THSD4: variants seen among roughly 807,000 people sequenced by gnomAD.
THSD4 encodes thrombospondin type 1 domain containing 4.
A neutral mutation model predicts 119.0 loss-of-function variants in THSD4; 69 were observed. The observed-to-expected ratio is 0.58, with a 90% CI of 0.48 to 0.71. The LOEUF (loss-of-function observed/expected upper bound fraction) is 0.71, where lower values mean the gene tolerates loss of function less well. THSD4 is among the 30% of genes least tolerant of loss of function. The pLI is 0.00. For missense variants in THSD4, 1,393 were observed against 1,391.1 expected (o/e 1.00, Z -0.02); for synonymous variants, 524 against 540.4 (o/e 0.97, Z 0.42).
intron 7 of THSD4, among the ~76,000 whole-genome samples, chr15:71,481,792 T>C (rs764873737): frequency 2.6e-5 from 4 of 152,224 alleles, no homozygotes; most frequent in Non-Finnish European, 4.4e-5. Context: ...TATTAAGTGA[T>C]CAATCCTTCT....
intron 7 of THSD4, among the ~76,000 whole-genome samples, chr15:71,639,904 TTCCTTATTCAAAATAAAACTTACTTTAGC>T (rs2050822557): frequency 6.6e-6 from 1 of 152,096 alleles, no homozygotes; most frequent in African/African-American, 2.4e-5. Flanking sequence ...TTAATGTTTT[TTCCTTATTCAAAATAAAACTTACTTTAGC>T]TTCATGAGAA....
intron 1 of THSD4, among the ~76,000 whole-genome samples, chr15:71,130,633 A>T (rs185691832): frequency 2.6e-5 from 4 of 152,188 alleles, no homozygotes; most frequent in African/African-American, 9.7e-5. Flanking sequence ...GTTTCCTTCT[A>T]TGTAAAATGG....
At chr15:71,625,001 T>G (rs1270364679) in intron 7 of THSD4, among the ~76,000 whole-genome samples, 2 of 67,112 alleles carry the variant, frequency 3.0e-5, no homozygotes, top group Non-Finnish European at 7.3e-5. Context: ...GTTGTTGTTT[T>G]GTTTGTTTGT....
chr15:71,367,061 T>G (rs2045974670), intron 6 of THSD4, among the ~76,000 whole-genome samples: 1 of 152,200 alleles, frequency 6.6e-6, no homozygotes, highest in Non-Finnish European at 1.5e-5. Flanking sequence ...TTTTGGCTCA[T>G]GAACTTTGAA....
At chr15:71,712,413 A>G (rs2052535054) in intron 8 of THSD4, among the ~76,000 whole-genome samples, 1 of 152,222 alleles carries the variant, frequency 6.6e-6, no homozygotes, top group African/African-American at 2.4e-5. Context: ...TTATCCTGGA[A>G]AAGAAGAAAG....
chr15:71,467,917 C>A (rs1034422593), intron 7 of THSD4, among the ~76,000 whole-genome samples: 2 of 150,828 alleles, frequency 1.3e-5, no homozygotes, highest in African/African-American at 2.4e-5. Context: ...GGCATGATCT[C>A]GGCTCACTGC....
intron 6 of THSD4, among the ~76,000 whole-genome samples, chr15:71,374,057 G>A (rs1367309304): frequency 6.6e-6 from 1 of 152,172 alleles, no homozygotes; most frequent in Non-Finnish European, 1.5e-5. Flanking sequence ...GCAAAATGCT[G>A]GCTTGTATTT....
chr15:71,465,430 G>A (rs1436758150), intron 7 of THSD4, among the ~76,000 whole-genome samples: 3 of 152,150 alleles, frequency 2.0e-5, no homozygotes, highest in Non-Finnish European at 4.4e-5. Context: ...TTTAAAAGCT[G>A]TTCCTGCTAC....
chr15:71,389,810 G>GTTTTTTTTT lies in THSD4; in HGVS notation c.1016-21868_1016-21860dup, dbSNP rs556682631. ...GCCAACACTTGCTATTTTCTGGGTTGTTTTTTTTTTTTTTTTTGACACAGA... is the reference window on the plus strand; with the variant it reads ...GCCAACACTTGCTATTTTCTGGGTTGTTTTTTTTTTTTTTTTTTTTTTTTTTGACACAGA... On this transcript the variant is annotated intron_variant, in intron 6 of 17. Transcript: ENST00000261862. Among the ~76,000 whole-genome samples the GTTTTTTTTT allele has an allele frequency of 3.1e-3, 277 of 87,990 alleles. 60 individuals carry two copies. The highest frequency in any genetic ancestry group is 7.1e-3 in the African/African-American group (164 of 23,020). The allele number at this position is 87,990 out of a possible 152,430, so 57.7% of individuals were successfully genotyped here. A position where few individuals can be genotyped will look rare whatever the true frequency, so the allele number is the denominator to read the frequency against.
chr15:71,373,078 G>T (rs1167559505), intron 6 of THSD4, among the ~76,000 whole-genome samples: 1 of 152,110 alleles, frequency 6.6e-6, no homozygotes, highest in African/African-American at 2.4e-5. Flanking sequence ...TTCTAAGACT[G>T]GTCTAAAAAT....
At chr15:71,387,935 TTC>T (rs541378965) in intron 6 of THSD4, among the ~76,000 whole-genome samples, 67 of 152,322 alleles carry the variant, frequency 4.4e-4, no homozygotes, top group Non-Finnish European at 8.8e-4. Flanking sequence ...TGTCTGGATC[TTC>T]TTTTGATCTT....
chr15:71,494,227 C>T (rs2047974192), intron 7 of THSD4, among the ~76,000 whole-genome samples: 1 of 152,176 alleles, frequency 6.6e-6, no homozygotes, highest in Non-Finnish European at 1.5e-5. Flanking sequence ...AACTGAGCAT[C>T]TGCGGGGAGG....
chr15:71,616,149 T>C (rs931016888), intron 7 of THSD4, among the ~76,000 whole-genome samples: 12 of 151,878 alleles, frequency 7.9e-5, no homozygotes, highest in African/African-American at 2.2e-4. Flanking sequence ...CTAAGCTTGA[T>C]GGCAGTTCCT....
intron 7 of THSD4, among the ~76,000 whole-genome samples, chr15:71,578,396 TC>T (rs1008048118): frequency 5.3e-5 from 8 of 152,164 alleles, no homozygotes; most frequent in Non-Finnish European, 1.2e-4. Context: ...TTGATAAGTG[TC>T]ATGTCATTTG....
chr15:71,546,918 A>G (rs1305318509), intron 7 of THSD4, among the ~76,000 whole-genome samples: 1 of 152,220 alleles, frequency 6.6e-6, no homozygotes, highest in African/African-American at 2.4e-5. Flanking sequence ...CCAGGCAAAC[A>G]CAGCTTGTCA....
intron 6 of THSD4, among the ~76,000 whole-genome samples, chr15:71,269,945 AAG>A (rs1184287610): frequency 1.3e-5 from 2 of 152,210 alleles, no homozygotes; most frequent in African/African-American, 4.8e-5. Context: ...TCAAGGAAAT[AAG>A]AGAGGACACA....
intron 8 of THSD4, among the ~76,000 whole-genome samples, chr15:71,689,863 G>A (rs1482674625): frequency 6.6e-6 from 1 of 152,094 alleles, no homozygotes; most frequent in Non-Finnish European, 1.5e-5. Flanking sequence ...AACCTGTTTG[G>A]GTGTTCTTCC....
At chr15:71,470,475 T>C (rs1006050179) in intron 7 of THSD4, among the ~76,000 whole-genome samples, 10 of 152,198 alleles carry the variant, frequency 6.6e-5, no homozygotes, top group African/African-American at 2.4e-4. Flanking sequence ...AGAGTACTGT[T>C]GTAAGCATTT....
At chr15:71,590,762 G>C (rs2049780628) in intron 7 of THSD4, among the ~76,000 whole-genome samples, 1 of 152,218 alleles carries the variant, frequency 6.6e-6, no homozygotes, top group South Asian at 2.1e-4. Flanking sequence ...CCAGCACTTT[G>C]GGAGGCCAAG....
Sources: allele counts gnomAD v4.1 joint callset (sites outside exome capture counted in the v4.1 genomes callset), GRCh38; gene constraint gnomAD v4.1.1; transcripts MANE v1.5; gene names NCBI Gene and HGNC (gene_info 2026-07-23, HGNC 2026-07-21).